PDXDC1: variants seen among roughly 807,000 people sequenced by gnomAD.
PDXDC1 encodes pyridoxal dependent decarboxylase domain containing 1.
PDXDC1 carries 42 observed loss-of-function variants against 100.1 expected under a neutral mutation model. The observed-to-expected ratio is 0.42, with a 90% CI of 0.33 to 0.54. PDXDC1 has a LOEUF of 0.54. Among genes scored for constraint, PDXDC1 ranks in the 20% least tolerant of loss-of-function variants. The pLI is 0.10. For missense variants in PDXDC1, 636 were observed against 979.2 expected, an observed-to-expected ratio of 0.65 and a Z score of 4.68; for synonymous variants, 260 against 371.7, an observed-to-expected ratio of 0.70 and a Z score of 3.46.
At chr16:15,084,834 G>A in intron 16 of PDXDC1, 1 of 686,310 alleles carries the variant, frequency 1.5e-6, no homozygotes, top group East Asian at 2.9e-5. Flanking sequence ...GGGAGGCCGA[G>A]GTGGGTGGAT....
intron 16 of PDXDC1, chr16:15,080,075 G>T (rs2045634883): frequency 6.2e-7 from 1 of 1,600,090 alleles, no homozygotes; most frequent in Admixed American, 1.7e-5. Context: ...CTAATCCTTA[G>T]TAAGTTATGA....
chr16:14,986,651 G>A (rs1285750666), intron 1 of PDXDC1, among the ~76,000 whole-genome samples: 15 of 152,300 alleles, frequency 9.8e-5, no homozygotes, highest in Non-Finnish European at 2.2e-4. Context: ...TTTGTAGAGA[G>A]GTAAAACTGT....
At chr16:15,028,554 C>T (rs981056012) in intron 14 of PDXDC1, among the ~76,000 whole-genome samples, 5 of 152,302 alleles carry the variant, frequency 3.3e-5, no homozygotes, top group African/African-American at 9.6e-5. Flanking sequence ...GTTAGATGAT[C>T]GTGGCACTCA....
chr16:15,052,826 CA>C (rs551077348), intron 16 of PDXDC1, among the ~76,000 whole-genome samples: 5 of 146,080 alleles, frequency 3.4e-5, no homozygotes, highest in Non-Finnish European at 1.5e-5. Flanking sequence ...CTCTGTCTCT[CA>C]AAAAAAAAAT....
intron 13 of PDXDC1, among the ~76,000 whole-genome samples, chr16:15,023,318 G>A (rs896967958): frequency 1.3e-5 from 2 of 152,290 alleles, no homozygotes; most frequent in Non-Finnish European, 2.9e-5. Context: ...AGGTTTGAAA[G>A]TTTTTGTGTT....
chr16:15,100,340 A>C (rs1025172071), intron 16 of PDXDC1, among the ~76,000 whole-genome samples: 3 of 152,242 alleles, frequency 2.0e-5, no homozygotes, highest in Non-Finnish European at 2.9e-5. Flanking sequence ...CAAGATCTCA[A>C]CTATATATCT....
In PDXDC1 at chr16:15,033,283, G is replaced by A; in HGVS notation, c.1696G>A (p.Glu566Lys). ...TTGTCTCGTTACCTTTGCAGGCCCT[G>A]AGTATAAGAGCATGAAGAGCTGCCT... ...ESDLTFKIGP[E>K]YKSMKSCLYV... Residue 566 changes from glutamate (E) to lysine (K), a missense_variant, in exon 19 of 23, where the codon GAG (glutamate) becomes AAG (lysine). Coordinates refer to ENST00000396410, the MANE Select transcript of PDXDC1 (RefSeq NM_015027.4). 1 of 1,614,202 alleles carries A rather than the reference G, an allele frequency of 6.2e-7. No homozygotes were observed. Among genetic ancestry groups the A allele is most frequent in the Middle Eastern group, 1.6e-4 (1 of 6,062 alleles).
intron 11 of PDXDC1, among the ~76,000 whole-genome samples, chr16:15,018,551 C>G (rs1432454820): frequency 6.6e-6 from 1 of 152,264 alleles, no homozygotes; most frequent in African/African-American, 2.4e-5. Flanking sequence ...GAGCTACCTT[C>G]GAAGTGGGGA....
chr16:15,128,745 C>G (rs1042592048), intron 16 of PDXDC1, among the ~76,000 whole-genome samples: 1 of 152,080 alleles, frequency 6.6e-6, no homozygotes, highest in African/African-American at 2.4e-5. Flanking sequence ...TCAGTTCATG[C>G]ATAGACTGCA....
intron 16 of PDXDC1, among the ~76,000 whole-genome samples, chr16:15,128,969 C>T (rs1238596071): frequency 6.7e-6 from 1 of 150,200 alleles, no homozygotes; most frequent in Non-Finnish European, 1.5e-5. Context: ...ACACGCCGGC[C>T]TAATTTTTTT....
downstream of PDXDC1, among the ~76,000 whole-genome samples, chr16:15,043,148 C>T (rs2043898129): frequency 6.6e-6 from 1 of 152,158 alleles, no homozygotes; most frequent in South Asian, 2.1e-4. Context: ...GATCGGCCTG[C>T]CTTGAACTCC....
chr16:15,131,068 C>G, intron 16 of PDXDC1: 2 of 1,599,660 alleles, frequency 1.3e-6, no homozygotes, highest in Non-Finnish European at 1.7e-6. Context: ...GCCGCGTGTG[C>G]CTCACCCGCT....
chr16:15,073,925 G>A (rs1189898831), intron 16 of PDXDC1, among the ~76,000 whole-genome samples: 1 of 152,086 alleles, frequency 6.6e-6, no homozygotes, highest in Non-Finnish European at 1.5e-5. Context: ...GCAATGATAT[G>A]AGAAAATGTT....
intron 17 of PDXDC1, 177 bp downstream of exon 17, chr16:15,032,083 G>T (rs1202445561): frequency 1.5e-5 from 9 of 612,494 alleles, no homozygotes; most frequent in Non-Finnish European, 2.6e-5. Context: ...AGGCAATTTG[G>T]CCAGCGTGGC....
chr16:15,019,686 G>T (rs561127591), intron 12 of PDXDC1, among the ~76,000 whole-genome samples: 1 of 152,274 alleles, frequency 6.6e-6, no homozygotes, highest in Admixed American at 6.5e-5. Flanking sequence ...TCTTTCAGAA[G>T]GTCACTAGTC....
intron 8 of PDXDC1, among the ~76,000 whole-genome samples, chr16:15,011,631 C>CTT: frequency 0.011 from 1,389 of 131,302 alleles, 3 homozygotes; most frequent in African/African-American, 0.013. Flanking sequence ...ACATTTTTTT[C>CTT]TTTTTTTTTT....
chr16:14,992,923 C>T (rs1228263809), intron 1 of PDXDC1, among the ~76,000 whole-genome samples: 116 of 151,966 alleles, frequency 7.6e-4, no homozygotes, highest in Middle Eastern at 3.4e-3. Flanking sequence ...ACAATCATAG[C>T]TTACTGTAGC....
Position 15,037,810 on chromosome 16 carries a change from G to A in PDXDC1, c.*1535G>A, listed in dbSNP as rs966782538. ...GTTATTACCGACCAAAAAAAAAACT[G>A]GACATCAATTTTTTAGTAAACCAAA... is the stretch of plus-strand genomic sequence containing the variant. On this transcript the variant is annotated 3_prime_UTR_variant, in exon 23 of 23. Coordinates refer to ENST00000396410, the MANE Select transcript of PDXDC1 (RefSeq NM_015027.4). 3 of 443,518 alleles carry A rather than the reference G, an allele frequency of 6.8e-6. No homozygotes were observed. Among genetic ancestry groups the A allele is most frequent in the African/African-American group, 6.0e-5 (3 of 50,340 alleles). 27.5% of individuals were successfully genotyped at this position (443,518 alleles called of 1,614,324 possible).
rs9746292 is a variant in PDXDC1 at position 15,111,059 on chromosome 16, C to T, written c.1400-27820C>T. 6.9e-4 allele frequency among the ~76,000 whole-genome samples: 103 copies of T among 148,470 alleles called. 4 individuals carry two copies. Among genetic ancestry groups the T allele is most frequent in the Non-Finnish European group, 8.9e-4 (59 of 66,596 alleles). Reference sequence around the variant, plus strand: ...CAGAGAACCGTTTGAAGCTGGGAGGCGGAGGTTGCAGTGAGCGGAGATCAC... The same window carrying T: ...CAGAGAACCGTTTGAAGCTGGGAGGTGGAGGTTGCAGTGAGCGGAGATCAC... On this transcript the variant is annotated intron_variant, in intron 16 of 16. Coordinates refer to the PDXDC1 transcript ENST00000535621.
Sources: gnomAD v4.1 joint callset for allele counts (sites outside exome capture counted in the v4.1 genomes callset) on GRCh38, gnomAD v4.1.1 for gene constraint, MANE v1.5 for transcripts, NCBI Gene and HGNC (gene_info 2026-07-23, HGNC 2026-07-21) for gene names.